Variants in THAP6 observed in about 807,000 individuals in gnomAD.
The protein encoded by THAP6 is THAP domain-containing protein 6.
In THAP6, 13 loss-of-function variants were observed where a neutral mutation model predicts 20.0. That is an observed-to-expected ratio of 0.65 (90% CI 0.42 to 1.03). The LOEUF (loss-of-function observed/expected upper bound fraction) is 1.03, where lower values mean the gene tolerates loss of function less well. THAP6 is among the 50% of genes least tolerant of loss of function. The pLI is 0.00. For synonymous variants in THAP6, 93 were observed against 92.2 expected, an observed-to-expected ratio of 1.01 and a Z score of -0.05; for missense variants, 262 against 261.6, an observed-to-expected ratio of 1.00 and a Z score of -0.01.
chr4:75,527,547 T>C lies in THAP6; in HGVS notation c.*333T>C. On this transcript the variant is annotated 3_prime_UTR_variant, in exon 5 of 5. Coordinates refer to ENST00000311638, the MANE Select transcript of THAP6 (RefSeq NM_144721.6). The stretch of plus-strand genomic sequence containing the variant: ...AGCTATAGTAGAAGGAATTGGACAC[T>C]TCTCCAGATATTTGGCTTCAAAGGA... 1 of 1,068,906 alleles carries C rather than the reference T, an allele frequency of 9.4e-7. No individual in the cohort carries two copies. Among genetic ancestry groups the C allele is most frequent in the South Asian group, 3.6e-5 (1 of 28,044 alleles). 66.2% of individuals were successfully genotyped at this position (1,068,906 alleles called of 1,614,324 possible).
chr4:75,521,626 A>T, intron 3 of THAP6, 110 bp from the exon 4 acceptor site: 3 of 1,177,500 alleles, frequency 2.5e-6, no homozygotes, highest in Non-Finnish European at 1.2e-6. Context: ...AGCAATTTCC[A>T]TGAAAAGAAA....
downstream of THAP6, among the ~76,000 whole-genome samples, chr4:75,532,826 G>A (rs955934986): frequency 1.8e-4 from 27 of 152,152 alleles, no homozygotes; most frequent in Non-Finnish European, 2.2e-4. Context: ...GGAGTGGCTG[G>A]GACACAGGGC....
chr4:75,530,234 A>G (rs1455543114), downstream of THAP6, among the ~76,000 whole-genome samples: 3 of 152,148 alleles, frequency 2.0e-5, no homozygotes, highest in Non-Finnish European at 4.4e-5. Flanking sequence ...CCTCACTCAA[A>G]ACTGTCAGAT....
At chr4:75,525,572 G>A (rs72647452) in intron 4 of THAP6, among the ~76,000 whole-genome samples, 99 of 152,204 alleles carry the variant, frequency 6.5e-4, no homozygotes, top group Non-Finnish European at 1.2e-3. Context: ...ATTTGTGTCA[G>A]TTCCGGCTTG....
At chr4:75,518,515 A>G (rs887780368) in intron 3 of THAP6, among the ~76,000 whole-genome samples, 5 of 152,204 alleles carry the variant, frequency 3.3e-5, no homozygotes, top group Non-Finnish European at 2.9e-5. Context: ...CTATTAACTC[A>G]GTCCTTGAAA....
chr4:75,520,317 T>C (rs529799089), intron 3 of THAP6, among the ~76,000 whole-genome samples: 55 of 152,306 alleles, frequency 3.6e-4, no homozygotes, highest in Non-Finnish European at 7.1e-4. Flanking sequence ...TGTACACATT[T>C]CTATAGGGTA....
In THAP6 at chr4:75,516,280, T is replaced by A. The variant is rs1319874316; in HGVS notation, c.81-492T>A. Among the ~76,000 whole-genome samples the A allele has an allele frequency of 2.6e-5, 4 of 152,244 alleles. No individual in the cohort carries two copies. In the East Asian group the frequency reaches 7.7e-4, roughly 29 times the overall value. ...AGCTCTGATCTCCAGAACTCCACAC[T>A]GCAGCTATTCTCTGCATTCATTCAC... On this transcript the variant is annotated intron_variant, in intron 2 of 4. Coordinates refer to ENST00000311638, the MANE Select transcript of THAP6 (RefSeq NM_144721.6).
chr4:75,520,807 C>T (rs1406768374), intron 3 of THAP6, among the ~76,000 whole-genome samples: 1 of 152,148 alleles, frequency 6.6e-6, no homozygotes, highest in Non-Finnish European at 1.5e-5. Context: ...CTACCCTAAT[C>T]GTTGGTATAA....
At chr4:75,545,009 G>A (rs1366789397) in intron 3 of THAP6, among the ~76,000 whole-genome samples, 1 of 152,190 alleles carries the variant, frequency 6.6e-6, no homozygotes, top group Non-Finnish European at 1.5e-5. Flanking sequence ...TTAGCCACAG[G>A]ACAACCTCTC....
At chr4:75,519,791 G>T (rs1242018083) in intron 3 of THAP6, among the ~76,000 whole-genome samples, 9 of 151,482 alleles carry the variant, frequency 5.9e-5, no homozygotes, top group African/African-American at 2.2e-4. Context: ...ATAAACATAC[G>T]TGTGCATGTG....
At position 75,527,070 on chromosome 4, in the gene THAP6, A is replaced by G. The variant is rs772634118; in HGVS notation, c.525A>G (p.Arg175=). ...TKESLRNVLD[R]EKRFQKSLRK... ...AAAGTCTACGGAATGTTTTAGACCGAGAAAAACGTTTTCAGAAATCATTGA... is the reference window on the plus strand; with the variant it reads ...AAAGTCTACGGAATGTTTTAGACCGGGAAAAACGTTTTCAGAAATCATTGA... Residue 175 remains arginine (R), a synonymous_variant, in exon 5 of 5, where the codon CGA becomes CGG. Coordinates refer to ENST00000311638, the MANE Select transcript of THAP6 (RefSeq NM_144721.6). 2.5e-6 allele frequency: 4 copies of G among 1,614,036 alleles called. No individual in the cohort carries two copies. The highest frequency in any genetic ancestry group is 1.7e-5 in the Admixed American group (1 of 59,990).
At chr4:75,521,299 T>C (rs1310732633) in intron 3 of THAP6, among the ~76,000 whole-genome samples, 1 of 151,996 alleles carries the variant, frequency 6.6e-6, no homozygotes, top group Non-Finnish European at 1.5e-5. Flanking sequence ...GGAATTTCAT[T>C]GTGGTTTATT....
chr4:75,521,893 T>G (rs1191208308), intron 4 of THAP6, 32 bp downstream of exon 4: 1 of 1,612,284 alleles, frequency 6.2e-7, no homozygotes, highest in Non-Finnish European at 8.5e-7. Flanking sequence ...CTCATGTTAA[T>G]TCTTTTAAGA....
upstream of THAP6, chr4:75,514,242 T>C (rs764951841): frequency 3.7e-6 from 6 of 1,613,082 alleles, no homozygotes; most frequent in Non-Finnish European, 5.1e-6. Flanking sequence ...CCCGCTGACC[T>C]CGCTCTTGAC....
chr4:75,537,479 T>C (rs1380443416), intron 2 of THAP6, among the ~76,000 whole-genome samples: 1 of 151,656 alleles, frequency 6.6e-6, no homozygotes, highest in Non-Finnish European at 1.5e-5. Flanking sequence ...TCTCATTCTC[T>C]CTCTTTGCCT....
chr4:75,526,389 G>T (rs1578271489), intron 4 of THAP6, among the ~76,000 whole-genome samples: 1 of 151,980 alleles, frequency 6.6e-6, no homozygotes, highest in South Asian at 2.1e-4. Flanking sequence ...AGCTATGTCA[G>T]TGTTATTTTC....
At chr4:75,539,528 C>G (rs1199679723) in intron 2 of THAP6, among the ~76,000 whole-genome samples, 1 of 152,128 alleles carries the variant, frequency 6.6e-6, no homozygotes, top group African/African-American at 2.4e-5. Flanking sequence ...TTCAAAATTA[C>G]AAAATAGAAC....
rs1212057239 is a variant in THAP6 at position 75,528,165 on chromosome 4, T to C, written c.*951T>C. 3.0e-6 allele frequency: 3 copies of C among 985,054 alleles called. No homozygotes were observed. The highest frequency in any genetic ancestry group is 6.1e-5 in the Admixed American group (1 of 16,266). 61.0% of individuals were successfully genotyped at this position (985,054 alleles called of 1,614,324 possible). ...GAATTGGAGAGAAAGGATTAGAATA[T>C]TTTAATTAGGGGAGTAGATTATTGT... On this transcript the variant is annotated 3_prime_UTR_variant, in exon 5 of 5. Coordinates refer to ENST00000311638, the MANE Select transcript of THAP6 (RefSeq NM_144721.6).
intron 3 of THAP6, among the ~76,000 whole-genome samples, chr4:75,544,997 T>G (rs1727093171): frequency 6.6e-6 from 1 of 152,220 alleles, no homozygotes; most frequent in African/African-American, 2.4e-5. Context: ...CTCTGCCACT[T>G]CTTAGCCACA....
Sources: allele counts gnomAD v4.1 joint callset (sites outside exome capture counted in the v4.1 genomes callset), GRCh38; gene constraint gnomAD v4.1.1; transcripts MANE v1.5; gene names NCBI Gene and HGNC (gene_info 2026-07-23, HGNC 2026-07-21).